EPHA3: variants seen among roughly 807,000 people sequenced by gnomAD.
EPHA3 encodes EPH receptor A3.
Under a neutral mutation model 107.1 loss-of-function variants are expected in EPHA3, and 42 were observed. That is an observed-to-expected ratio of 0.39 (90% CI 0.31 to 0.51). EPHA3 has a LOEUF of 0.51. EPHA3 is among the 20% of genes least tolerant of loss of function. The probability of loss-of-function intolerance (pLI) is 0.78; values close to 1 mark genes in which losing one functional copy is unlikely to be tolerated. For missense variants in EPHA3, 1,183 were observed against 1,211.2 expected, an observed-to-expected ratio of 0.98 and a Z score of 0.35; for synonymous variants, 461 against 424.8, an observed-to-expected ratio of 1.09 and a Z score of -1.05.
At chr3:89,157,753 G>A (rs1319940157) in intron 2 of EPHA3, among the ~76,000 whole-genome samples, 1 of 151,810 alleles carries the variant, frequency 6.6e-6, no homozygotes, top group Non-Finnish European at 1.5e-5. Flanking sequence ...TGTCTCTGGG[G>A]ATGCAGCAGT....
intron 5 of EPHA3, among the ~76,000 whole-genome samples, chr3:89,344,556 C>T (rs1389217213): frequency 6.6e-6 from 1 of 152,060 alleles, no homozygotes; most frequent in Non-Finnish European, 1.5e-5. Context: ...GAAGCAATGC[C>T]TTTTCTGAAG....
At position 89,219,688 on chromosome 3, in the gene EPHA3, G is replaced by GTGTTTT; in HGVS notation, c.814+9169_814+9170insGTTTTT. ...TTACCTCCAAGAGGCATTTGGCAAT[G>GTGTTTT]TTTTTTTTTTTTTTGTTTTTTGTTT... is the stretch of plus-strand genomic sequence containing the variant. On this transcript the variant is annotated intron_variant, in intron 3 of 16. Transcript: ENST00000336596. Among the ~76,000 whole-genome samples, 242 of 34,432 alleles carry GTGTTTT rather than the reference G, an allele frequency of 7.0e-3. 70 individuals carry two copies. Among genetic ancestry groups the GTGTTTT allele is most frequent in the Non-Finnish European group, 0.011 (209 of 19,116 alleles). 22.6% of individuals were successfully genotyped at this position (34,432 alleles called of 152,430 possible).
At chr3:89,305,386 C>T (rs1327987596) in intron 3 of EPHA3, among the ~76,000 whole-genome samples, 1 of 152,110 alleles carries the variant, frequency 6.6e-6, no homozygotes, top group Non-Finnish European at 1.5e-5. Flanking sequence ...CAAGCTTTCA[C>T]TCTAGTTTTA....
chr3:89,137,496 G>A (rs1313863820), intron 2 of EPHA3, among the ~76,000 whole-genome samples: 8 of 151,804 alleles, frequency 5.3e-5, no homozygotes, highest in South Asian at 2.1e-4. Flanking sequence ...TACTTTTTAC[G>A]TAAGTCCCAT....
intron 1 of EPHA3, among the ~76,000 whole-genome samples, chr3:89,116,118 A>T (rs1707247726): frequency 6.6e-6 from 1 of 152,186 alleles, no homozygotes; most frequent in Non-Finnish European, 1.5e-5. Context: ...AGAAGAGTAG[A>T]TGAAAATATC....
chr3:89,352,720 A>C (rs914821299), intron 5 of EPHA3, among the ~76,000 whole-genome samples: 1 of 150,542 alleles, frequency 6.6e-6, no homozygotes, highest in Non-Finnish European at 1.5e-5. Context: ...CCTGGTCAAC[A>C]TGGTGAAACC....
At chr3:89,233,957 A>C (rs1704693732) in intron 3 of EPHA3, among the ~76,000 whole-genome samples, 1 of 152,206 alleles carries the variant, frequency 6.6e-6, no homozygotes, top group Admixed American at 6.5e-5. Context: ...AAGTATGACC[A>C]TTTTGGGCTT....
intron 1 of EPHA3, among the ~76,000 whole-genome samples, chr3:89,111,026 T>A (rs180679808): frequency 1.3e-5 from 2 of 152,106 alleles, no homozygotes; most frequent in East Asian, 3.9e-4. Flanking sequence ...AAATAGAGTA[T>A]CCAAAATAAA....
intron 5 of EPHA3, among the ~76,000 whole-genome samples, chr3:89,358,967 G>C (rs1366207109): frequency 1.3e-5 from 2 of 151,038 alleles, no homozygotes; most frequent in Non-Finnish European, 3.0e-5. Context: ...GTTTAAAGTT[G>C]TGCAGTAAAA....
At position 89,293,431 on chromosome 3, in the gene EPHA3, G is replaced by A. The variant is rs113061943; in HGVS notation, c.815-47485G>A. 1.0e-3 allele frequency among the ~76,000 whole-genome samples: 154 copies of A among 152,116 alleles called. 2 individuals are homozygous for A. The Middle Eastern group carries it at 0.01, about 10-fold the overall frequency. The stretch of plus-strand genomic sequence containing the variant: ...TACCTTTGCCTATTCAAAGAGTCGG[G>A]GAACTTTCTTTTAAGGGGCCAGATA... On this transcript the variant is annotated intron_variant, in intron 3 of 16. Transcript: ENST00000336596.
chr3:89,178,036 A>C (rs1295658650), intron 2 of EPHA3, among the ~76,000 whole-genome samples: 1 of 152,162 alleles, frequency 6.6e-6, no homozygotes, highest in African/African-American at 2.4e-5. Context: ...GGGGTGAACT[A>C]AATTCATATC....
intron 2 of EPHA3, among the ~76,000 whole-genome samples, chr3:89,171,020 C>T (rs940475062): frequency 4.6e-5 from 7 of 151,022 alleles, no homozygotes; most frequent in Non-Finnish European, 8.8e-5. Flanking sequence ...AGATTGAACA[C>T]TTTAAAAAGG....
intron 5 of EPHA3, among the ~76,000 whole-genome samples, chr3:89,363,788 C>G (rs1198779814): frequency 6.6e-6 from 1 of 150,556 alleles, no homozygotes; most frequent in Non-Finnish European, 1.5e-5. Flanking sequence ...AAAGAAAATA[C>G]TAATCTTTTA....
At chr3:89,172,748 C>A (rs779838056) in intron 2 of EPHA3, among the ~76,000 whole-genome samples, 1 of 152,056 alleles carries the variant, frequency 6.6e-6, no homozygotes, top group Non-Finnish European at 1.5e-5. Context: ...GAAAGGTGAT[C>A]TATTCCATAT....
At chr3:89,467,737 T>G (rs929893358) in intron 15 of EPHA3, among the ~76,000 whole-genome samples, 5 of 152,130 alleles carry the variant, frequency 3.3e-5, no homozygotes, top group Non-Finnish European at 5.9e-5. Context: ...TTCACAAATC[T>G]TAATAGAAAG....
chr3:89,408,708 C>G (rs532438537), intron 9 of EPHA3, among the ~76,000 whole-genome samples: 2 of 152,126 alleles, frequency 1.3e-5, no homozygotes, highest in East Asian at 3.9e-4. Flanking sequence ...GTGTTTACAA[C>G]TAACAAAAAG....
intron 16 of EPHA3, among the ~76,000 whole-genome samples, chr3:89,478,343 A>G (rs1294787148): frequency 6.6e-6 from 1 of 152,208 alleles, no homozygotes; most frequent in African/African-American, 2.4e-5. Context: ...AAAGGCTAAA[A>G]CAGCAAGAGG....
intron 2 of EPHA3, among the ~76,000 whole-genome samples, chr3:89,177,446 T>A (rs1705345021): frequency 6.6e-6 from 1 of 152,166 alleles, no homozygotes; most frequent in African/African-American, 2.4e-5. Flanking sequence ...CCTTCTCTCT[T>A]CTGATTTGAT....
chr3:89,182,967 A>T (rs1249054977), intron 2 of EPHA3, among the ~76,000 whole-genome samples: 1 of 152,004 alleles, frequency 6.6e-6, no homozygotes, highest in African/African-American at 2.4e-5. Context: ...ACTGAATTAC[A>T]CAAAGCAGAC....
Sources: gnomAD v4.1 joint callset for allele counts (sites outside exome capture counted in the v4.1 genomes callset) on GRCh38, gnomAD v4.1.1 for gene constraint, MANE v1.5 for transcripts, NCBI Gene and HGNC (gene_info 2026-07-23, HGNC 2026-07-21) for gene names.